Variants in NPHP4 observed in about 807,000 individuals in gnomAD.
NPHP4 encodes the protein nephrocystin 4.
Under a neutral mutation model 155.8 loss-of-function variants are expected in NPHP4, and 151 were observed. The ratio of observed to expected loss-of-function variants is 0.97; its 90% CI spans 0.85 to 1.11. The LOEUF is 1.11. NPHP4 is among the 50% of genes least tolerant of loss of function. NPHP4 has a pLI of 0.00. For missense variants in NPHP4, 1,956 were observed against 1,925.7 expected (o/e 1.02, Z -0.29); for synonymous variants, 845 against 816.8 (o/e 1.03, Z -0.59).
rs369029413 is a variant in NPHP4, at chr1:5,954,839, C to T, written c.674-2003G>A. Among the ~76,000 whole-genome samples the T allele has an allele frequency of 9.9e-5, 15 of 151,352 alleles. No individual in the cohort carries two copies. The East Asian group carries it at 1.2e-3, about 12-fold the overall frequency. ...GTGAAAGGATTTTTTTAAATAAAAC[C>T]GTAAAAGCACAGGCAACAAAAGCAA... On this transcript the variant is annotated intron_variant, in intron 6 of 29. Coordinates refer to ENST00000378156, the MANE Select transcript of NPHP4 (RefSeq NM_015102.5).
At chr1:5,865,774 G>T (rs773977140) in intron 26 of NPHP4, 9 of 163,618 alleles carry the variant, frequency 5.5e-5, no homozygotes, top group Non-Finnish European at 8.1e-5. Flanking sequence ...CATCTTCATG[G>T]GCTCACGAGG....
At chr1:5,985,526 C>T (rs1011343735) in intron 2 of NPHP4, among the ~76,000 whole-genome samples, 3 of 152,252 alleles carry the variant, frequency 2.0e-5, no homozygotes, top group Non-Finnish European at 2.9e-5. Context: ...AGGCTGAAAG[C>T]GGGCCATGCT....
rs4068402 is a variant in NPHP4 at position 5,964,917 on chromosome 1, T to TTATATA, written c.517+2376_517+2381dup. Among the ~76,000 whole-genome samples, 66 of 82,620 alleles carry TTATATA rather than the reference T, an allele frequency of 8.0e-4. 1 individual carries two copies. The South Asian group carries it at 0.018, about 22-fold the overall frequency. 54.2% of individuals were successfully genotyped at this position (82,620 alleles called of 152,430 possible). ...ATATAAAATATATAATACATATATA[T>TTATATA]TATATATATATATATATATATATAT... On this transcript the variant is annotated intron_variant, in intron 5 of 29. Coordinates refer to ENST00000378156, the MANE Select transcript of NPHP4 (RefSeq NM_015102.5).
At chr1:5,878,651 T>C (rs1010228706) in intron 19 of NPHP4, among the ~76,000 whole-genome samples, 2 of 152,240 alleles carry the variant, frequency 1.3e-5, no homozygotes, top group African/African-American at 2.4e-5. Flanking sequence ...GGACACCTCC[T>C]GTCCTGGTCC....
At chr1:5,907,973 A>G (rs1171096798) in intron 12 of NPHP4, among the ~76,000 whole-genome samples, 4 of 152,222 alleles carry the variant, frequency 2.6e-5, no homozygotes, top group African/African-American at 9.7e-5. Context: ...ACTACTGAAG[A>G]CACAGATCTC....
At chr1:5,926,828 G>A (rs983743156) in intron 11 of NPHP4, among the ~76,000 whole-genome samples, 2 of 152,168 alleles carry the variant, frequency 1.3e-5, no homozygotes, top group African/African-American at 4.8e-5. Flanking sequence ...GCTCCCTCCC[G>A]GGCTTGCACG....
rs760977291 is a variant in NPHP4, at chr1:5,907,202, C to T, written c.1524G>A (p.Ala508=). 4.9e-5 allele frequency: 78 copies of T among 1,581,758 alleles called. No homozygotes were observed. The highest frequency in any genetic ancestry group is 6.7e-5 in the African/African-American group (5 of 74,196). ...VGPGLSISQL[A]ASPRSPTQHC... Reference sequence around the variant, plus strand: ...GCTGAGTCGGGGACCGCGGGGAGGCCGCCAGCTGGGAAATTGACAACTGGA... The same window carrying T: ...GCTGAGTCGGGGACCGCGGGGAGGCTGCCAGCTGGGAAATTGACAACTGGA... The change falls in exon 13 of 30, where the codon GCG becomes GCA. Residue 508 remains alanine (A), a synonymous_variant. Coordinates refer to ENST00000378156, the MANE Select transcript of NPHP4 (RefSeq NM_015102.5).
Position 5,867,260 on chromosome 1 carries a change from CT to C in NPHP4, c.3473-146del. The C allele has an allele frequency of 1.6e-6, 1 of 635,800 alleles. No individual in the cohort carries two copies. Among genetic ancestry groups the C allele is most frequent in the Non-Finnish European group, 2.8e-6 (1 of 358,562 alleles). The allele number at this position is 635,800 out of a possible 1,614,324, so 39.4% of individuals were successfully genotyped here. On this transcript the variant is annotated intron_variant, in intron 24 of 29. Coordinates refer to ENST00000378156, the MANE Select transcript of NPHP4 (RefSeq NM_015102.5). This position sits in a 1 kb window ranked among gnomAD's most constrained non-coding sequence, Gnocchi z 4.1. ...CTGCTGGGGAAACGGACGCCGCCAC[CT>C]TTCCCAGGACAGCATCCAAGCACTG...
intron 16 of NPHP4, among the ~76,000 whole-genome samples, chr1:5,895,915 G>A (rs898890138): frequency 2.0e-5 from 3 of 152,104 alleles, no homozygotes; most frequent in South Asian, 2.1e-4. Context: ...CCGTAGAGAC[G>A]GGCACAGGTG....
Position 5,909,134 on chromosome 1 carries a change from TG to T in NPHP4, c.1503+17del. The T allele has an allele frequency of 6.3e-7, 1 of 1,580,694 alleles. No homozygotes were observed. On this transcript the variant is annotated intron_variant, in intron 12 of 29. Coordinates refer to ENST00000378156, the MANE Select transcript of NPHP4 (RefSeq NM_015102.5). ...GACTCTGGAATTCTGAAGGAGGCCG[TG>T]GGGGGCCTGGACTTACCCCTGGTCC...
At chr1:5,871,462 T>C (rs796108976) in intron 23 of NPHP4, among the ~76,000 whole-genome samples, 23 of 152,334 alleles carry the variant, frequency 1.5e-4, no homozygotes, top group African/African-American at 5.5e-4. Context: ...GGAATGATTC[T>C]AACATTCATC....
chr1:5,970,639 G>C (rs1364210399), intron 3 of NPHP4, among the ~76,000 whole-genome samples: 1 of 152,064 alleles, frequency 6.6e-6, no homozygotes, highest in African/African-American at 2.4e-5. Flanking sequence ...CACCCCAGCT[G>C]GGGGGCAAAG....
chr1:5,921,518 A>T (rs563301164), intron 11 of NPHP4, among the ~76,000 whole-genome samples: 15 of 152,342 alleles, frequency 9.8e-5, no homozygotes, highest in African/African-American at 3.6e-4. Flanking sequence ...TTCCTCCAAT[A>T]TGAGGGGAAT....
intron 8 of NPHP4, 78 bp from the exon 9 acceptor site, chr1:5,947,308 G>A: frequency 6.5e-7 from 1 of 1,530,594 alleles, no homozygotes; most frequent in South Asian, 1.2e-5. Flanking sequence ...ACCACTGTCA[G>A]AACAGTCAAG....
In NPHP4 at chr1:5,980,103, G is replaced by A. The variant is rs114629686; in HGVS notation, c.136-1690C>T. Among the ~76,000 whole-genome samples the A allele has an allele frequency of 8.3e-3, 1,255 of 152,082 alleles. 19 individuals carry two copies. Among genetic ancestry groups the A allele is most frequent in the African/African-American group, 0.028 (1,157 of 41,478 alleles). On this transcript the variant is annotated intron_variant, in intron 2 of 29. Transcript: ENST00000378156. The stretch of plus-strand genomic sequence containing the variant: ...CACGACATGACTCTCCTTGGCCAAC[G>A]CAAGCCCGTCCAGCTGCCCACCCTC...
intron 11 of NPHP4, among the ~76,000 whole-genome samples, chr1:5,909,961 C>A (rs1192848448): frequency 6.6e-6 from 1 of 152,206 alleles, no homozygotes; most frequent in Non-Finnish European, 1.5e-5. Flanking sequence ...CACATGGACA[C>A]CTCATGGCCC....
At chr1:5,949,848 A>AGCTG (rs1647613820) in intron 7 of NPHP4, among the ~76,000 whole-genome samples, 1 of 152,172 alleles carries the variant, frequency 6.6e-6, no homozygotes, top group African/African-American at 2.4e-5. Context: ...TAGGGAAACC[A>AGCTG]GCAAAGACCA....
rs17028877 is a variant in NPHP4, at chr1:5,904,991, C to G, written c.1956-187G>C. 9.9e-3 allele frequency among the ~76,000 whole-genome samples: 1,510 copies of G among 152,286 alleles called. 31 individuals carry two copies. Among genetic ancestry groups the G allele is most frequent in the African/African-American group, 0.035 (1,435 of 41,544 alleles). ...CAAGCCGGCCAGACAGCAGCATTCT[C>G]GAGTGTAAGGACACTCCCGGCTAGA... On this transcript the variant is annotated intron_variant, in intron 15 of 29. Transcript: ENST00000378156.
intron 28 of NPHP4, 79 bp downstream of exon 28, chr1:5,864,259 C>T: frequency 7.1e-7 from 1 of 1,402,020 alleles, no homozygotes; most frequent in East Asian, 2.4e-5. Context: ...GTCCGAGTCA[C>T]AGGGCCGAGG....
Sources: allele counts gnomAD v4.1 joint callset (sites outside exome capture counted in the v4.1 genomes callset), GRCh38; gene constraint gnomAD v4.1.1; non-coding constraint Gnocchi (gnomAD v3.1); transcripts MANE v1.5; gene names NCBI Gene and HGNC (gene_info 2026-07-23, HGNC 2026-07-21).